Variants in NAALADL2 observed in about 807,000 individuals in gnomAD.
NAALADL2 encodes the protein inactive N-acetylated-alpha-linked acidic dipeptidase-like protein 2.
NAALADL2 carries 76 observed loss-of-function variants against 87.2 expected under a neutral mutation model. That is an observed-to-expected ratio of 0.87 (90% CI 0.72 to 1.05). NAALADL2 has a LOEUF of 1.05. Among genes scored for constraint, NAALADL2 ranks in the 50% least tolerant of loss-of-function variants. The probability of loss-of-function intolerance (pLI) is 0.00; values close to 1 mark genes in which losing one functional copy is unlikely to be tolerated. For missense variants in NAALADL2, 1,089 were observed against 945.8 expected, an observed-to-expected ratio of 1.15 and a Z score of -1.99; for synonymous variants, 354 against 331.0, an observed-to-expected ratio of 1.07 and a Z score of -0.75.
At chr3:175,328,991 G>T (rs565655576) in intron 5 of NAALADL2, among the ~76,000 whole-genome samples, 31 of 152,222 alleles carry the variant, frequency 2.0e-4, no homozygotes, top group African/African-American at 7.2e-4. Context: ...ATAGTATTAG[G>T]AATAACAAAT....
intron 1 of NAALADL2, among the ~76,000 whole-genome samples, chr3:174,897,714 C>T (rs916234943): frequency 2.6e-5 from 4 of 152,138 alleles, no homozygotes; most frequent in Non-Finnish European, 5.9e-5. Context: ...TATATCTGCA[C>T]TCCTATAATT....
intron 1 of NAALADL2, among the ~76,000 whole-genome samples, chr3:174,965,441 A>T (rs1742730255): frequency 6.6e-6 from 1 of 152,174 alleles, no homozygotes; most frequent in Admixed American, 6.6e-5. Flanking sequence ...CCACCTTTTG[A>T]AGTGAGTGTC....
chr3:174,585,409 A>G (rs1261473968), intron 2 of NAALADL2, among the ~76,000 whole-genome samples: 1 of 152,210 alleles, frequency 6.6e-6, no homozygotes, highest in African/African-American at 2.4e-5. Flanking sequence ...GTTATCAGTA[A>G]CATGACTTCA....
chr3:175,648,599 C>T (rs1730339536), intron 11 of NAALADL2, among the ~76,000 whole-genome samples: 1 of 150,382 alleles, frequency 6.6e-6, no homozygotes, highest in Admixed American at 6.7e-5. Flanking sequence ...GACTTTTATA[C>T]TTGGCTAGCA....
chr3:174,806,328 C>T (rs1203719424), intron 3 of NAALADL2, among the ~76,000 whole-genome samples: 2 of 152,194 alleles, frequency 1.3e-5, no homozygotes, highest in Non-Finnish European at 2.9e-5. Context: ...GCTAGAATGG[C>T]ACTTGAGAGT....
chr3:175,218,236 G>A, intron 2 of NAALADL2: 1 of 306,040 alleles, frequency 3.3e-6, no homozygotes, highest in Non-Finnish European at 6.6e-6. Context: ...ATTAGTCAAA[G>A]GATACTTATT....
intron 3 of NAALADL2, among the ~76,000 whole-genome samples, chr3:174,832,967 A>C (rs1401665768): frequency 6.6e-6 from 1 of 152,146 alleles, no homozygotes; most frequent in Non-Finnish European, 1.5e-5. Flanking sequence ...TCATACCTAC[A>C]GCTATGACTA....
At chr3:175,545,791 A>G (rs905772029) in intron 9 of NAALADL2, among the ~76,000 whole-genome samples, 7 of 152,170 alleles carry the variant, frequency 4.6e-5, no homozygotes, top group Admixed American at 2.0e-4. Context: ...ATTCTGAAAG[A>G]TCTGCACATA....
chr3:175,451,010 G>T (rs1342148468), intron 6 of NAALADL2, among the ~76,000 whole-genome samples: 1 of 152,092 alleles, frequency 6.6e-6, no homozygotes, highest in Non-Finnish European at 1.5e-5. Context: ...GAGAAAGATA[G>T]AAATAGATAT....
chr3:175,623,726 G>C (rs1000162857), intron 10 of NAALADL2, among the ~76,000 whole-genome samples: 9 of 152,084 alleles, frequency 5.9e-5, no homozygotes, highest in African/African-American at 1.7e-4. Context: ...AGTTAAGGAA[G>C]GAATCTCATA....
chr3:175,319,465 T>G (rs1759560373), intron 4 of NAALADL2, among the ~76,000 whole-genome samples: 1 of 152,224 alleles, frequency 6.6e-6, no homozygotes, highest in South Asian at 2.1e-4. Flanking sequence ...TATATGCAAT[T>G]GTGTTTTATT....
At chr3:175,799,142 C>T (rs1175556445) in intron 13 of NAALADL2, among the ~76,000 whole-genome samples, 6 of 151,876 alleles carry the variant, frequency 4.0e-5, no homozygotes, top group East Asian at 1.9e-4. Flanking sequence ...TTAAAAATAT[C>T]GATTGTACTC....
At chr3:175,320,267 A>G (rs1295186841) in intron 4 of NAALADL2, among the ~76,000 whole-genome samples, 1 of 152,266 alleles carries the variant, frequency 6.6e-6, no homozygotes, top group Non-Finnish European at 1.5e-5. Flanking sequence ...AAATAAAAAG[A>G]AACTTAGTAT....
At chr3:174,842,155 G>T (rs562665083) in intron 3 of NAALADL2, among the ~76,000 whole-genome samples, 1 of 151,580 alleles carries the variant, frequency 6.6e-6, no homozygotes, top group South Asian at 2.1e-4. Context: ...GGGTTCAAGT[G>T]ATTCTCCTCC....
At chr3:174,613,905 C>G (rs1720190037) in intron 2 of NAALADL2, among the ~76,000 whole-genome samples, 1 of 152,186 alleles carries the variant, frequency 6.6e-6, no homozygotes, top group Non-Finnish European at 1.5e-5. Flanking sequence ...AGTGATGAAT[C>G]TTGCTGGGAC....
intron 2 of NAALADL2, among the ~76,000 whole-genome samples, chr3:174,628,868 T>A (rs1721847325): frequency 6.6e-6 from 1 of 152,230 alleles, no homozygotes; most frequent in Admixed American, 6.5e-5. Flanking sequence ...AGGAACTTTT[T>A]AAGGAATATG....
intron 5 of NAALADL2, among the ~76,000 whole-genome samples, chr3:175,442,179 A>AG (rs1359524501): frequency 6.6e-6 from 1 of 152,032 alleles, no homozygotes; most frequent in African/African-American, 2.4e-5. Context: ...TCCTGACCTC[A>AG]GGTGATCCAC....
At chr3:174,882,532 T>TGTGC (rs1324809558) in intron 1 of NAALADL2, among the ~76,000 whole-genome samples, 35 of 151,066 alleles carry the variant, frequency 2.3e-4, no homozygotes, top group African/African-American at 7.8e-4. Flanking sequence ...TATACACATA[T>TGTGC]ATGCATACAC....
chr3:175,548,930 T>C (rs1235843465), intron 9 of NAALADL2, among the ~76,000 whole-genome samples: 1 of 152,054 alleles, frequency 6.6e-6, no homozygotes, highest in Non-Finnish European at 1.5e-5. Context: ...TTGATTCTAA[T>C]GCTTCTACCA....
Sources: gnomAD v4.1 joint callset for allele counts (sites outside exome capture counted in the v4.1 genomes callset) on GRCh38, gnomAD v4.1.1 for gene constraint, MANE v1.5 for transcripts, NCBI Gene and HGNC (gene_info 2026-07-23, HGNC 2026-07-21) for gene names.